Variants in KPNB1 observed in about 807,000 individuals in gnomAD.
KPNB1 encodes the protein karyopherin subunit beta 1, also known as importin subunit beta-1.
KPNB1 carries 7 observed loss-of-function variants against 113.0 expected under a neutral mutation model. That is an observed-to-expected ratio of 0.06 (90% confidence interval 0.04 to 0.12). The LOEUF is 0.12. KPNB1 is among the 10% of genes least tolerant of loss of function. KPNB1 has a pLI of 1.00. For missense variants in KPNB1, 400 were observed against 1,054.8 expected (o/e 0.38, Z 8.60); for synonymous variants, 363 against 378.6 (o/e 0.96, Z 0.48).
At position 47,656,747 on chromosome 17, in the gene KPNB1, TAAGA is replaced by T. The variant is rs1284171766; in HGVS notation, c.283-102_283-99del. 6 of 1,055,038 alleles carry T rather than the reference TAAGA, an allele frequency of 5.7e-6. No homozygotes were observed. In the East Asian group the frequency reaches 1.3e-4, roughly 22 times the overall value. The allele number at this position is 1,055,038 out of a possible 1,614,324, so 65.4% of individuals were successfully genotyped here. On this transcript the variant is annotated intron_variant, in intron 3 of 21. Coordinates refer to ENST00000290158, the MANE Select transcript of KPNB1 (RefSeq NM_002265.6). ...CGGGCAACATAGTGAGACCCTGTCT[TAAGA>T]AAGAAAGAAAAAAAAGAATTCAGAG...
chr17:47,665,443 T>C (rs963185959), intron 9 of KPNB1, among the ~76,000 whole-genome samples: 1 of 152,216 alleles, frequency 6.6e-6, no homozygotes, highest in Non-Finnish European at 1.5e-5. Flanking sequence ...AGAAAGGTGC[T>C]CTGTCAAAGC....
chr17:47,666,390 A>T (rs2030269677), intron 9 of KPNB1, among the ~76,000 whole-genome samples: 2 of 69,292 alleles, frequency 2.9e-5, no homozygotes, highest in African/African-American at 9.7e-5. Flanking sequence ...TCGTGTCTTT[A>T]CTTTTGTGTG....
chr17:47,678,903 C>A (rs1335257047), intron 19 of KPNB1, among the ~76,000 whole-genome samples: 1 of 152,064 alleles, frequency 6.6e-6, no homozygotes, highest in Non-Finnish European at 1.5e-5. Flanking sequence ...CCACTGTGCC[C>A]AGCCTTTTAA....
chr17:47,679,403 C>T (rs1003232883), intron 19 of KPNB1, among the ~76,000 whole-genome samples: 4 of 152,130 alleles, frequency 2.6e-5, no homozygotes, highest in Admixed American at 2.0e-4. Flanking sequence ...ATTCCCGTTA[C>T]GTGTTCTTGT....
rs77077537 is a variant in KPNB1, at chr17:47,672,763, A to C, written c.1548-255A>C. ...GTTCACATGATTTTTTACCATTTCA[A>C]ACCATTTTTTCCTCTATAATTTTAG... On this transcript the variant is annotated intron_variant, in intron 12 of 21. Coordinates refer to ENST00000290158, the MANE Select transcript of KPNB1 (RefSeq NM_002265.6). Among the ~76,000 whole-genome samples the C allele has an allele frequency of 3.9e-5, 6 of 152,298 alleles. No individual in the cohort carries two copies. In the East Asian group the frequency reaches 1.2e-3, roughly 29 times the overall value.
rs2030828277 is a variant in KPNB1 at position 47,682,962 on chromosome 17, G to C, written c.*558G>C. 1 of 154,114 alleles carries C rather than the reference G, an allele frequency of 6.5e-6. No individual in the cohort carries two copies. Among genetic ancestry groups the C allele is most frequent in the African/African-American group, 2.4e-5 (1 of 41,408 alleles). The allele number at this position is 154,114 out of a possible 1,614,324, so 9.5% of individuals were successfully genotyped here. On this transcript the variant is annotated 3_prime_UTR_variant, in exon 22 of 22. Transcript: ENST00000290158. Reference sequence around the variant, plus strand: ...TTACAGTCTGAGAATGAGTGTGTGTGAGTGAGGCGGTATCCACATTCTCAA... The same window carrying C: ...TTACAGTCTGAGAATGAGTGTGTGTCAGTGAGGCGGTATCCACATTCTCAA...
At chr17:47,679,867 T>G in intron 19 of KPNB1, 153 bp from the exon 20 acceptor site, 1 of 545,726 alleles carries the variant, frequency 1.8e-6, no homozygotes, top group Non-Finnish European at 3.3e-6. Context: ...CGGCTAATTT[T>G]TTTGTATTTT....
At position 47,680,194 on chromosome 17, in the gene KPNB1, T is replaced by C. The variant is rs920463318; in HGVS notation, c.2468+60T>C. The C allele has an allele frequency of 5.8e-6, 7 of 1,206,084 alleles. No individual in the cohort carries two copies. The African/African-American group carries it at 7.5e-5, about 13-fold the overall frequency. 74.7% of individuals were successfully genotyped at this position (1,206,084 alleles called of 1,614,324 possible). A position where few individuals can be genotyped will look rare whatever the true frequency, so the allele number is the denominator to read the frequency against. On this transcript the variant is annotated intron_variant, in intron 20 of 21. Transcript: ENST00000290158. ...ACTTCTCACAGAAAATGAGAAAACA[T>C]GGAGTAAGGAGTTTTGAGAGTATCG...
intron 16 of KPNB1, 61 bp downstream of exon 16, chr17:47,676,552 C>T (rs367684945): frequency 1.4e-5 from 18 of 1,278,992 alleles, no homozygotes; most frequent in African/African-American, 5.9e-5. Flanking sequence ...CTGTAGTGCA[C>T]GCAAAACCAG....
At chr17:47,654,346 C>T (rs926884733) in intron 3 of KPNB1, among the ~76,000 whole-genome samples, 14 of 145,754 alleles carry the variant, frequency 9.6e-5, no homozygotes, top group African/African-American at 3.1e-4. Flanking sequence ...ACCTGGGAGG[C>T]GGAGATTGTG....
In KPNB1 at chr17:47,658,349, A is replaced by G. The variant is rs113781728; in HGVS notation, c.484-159A>G. Among the ~76,000 whole-genome samples the G allele has an allele frequency of 1.6e-3, 245 of 152,356 alleles. 1 individual carries two copies. The highest frequency in any genetic ancestry group is 2.9e-3 in the Admixed American group (45 of 15,308). ...TGTATTAAGGGAATGATGACAAGAA[A>G]AAAAGGTGTACATGCACCTTTTGGT... On this transcript the variant is annotated intron_variant, in intron 4 of 21. Coordinates refer to ENST00000290158, the MANE Select transcript of KPNB1 (RefSeq NM_002265.6).
chr17:47,667,560 A>G (rs2030326877), intron 9 of KPNB1, among the ~76,000 whole-genome samples: 1 of 147,478 alleles, frequency 6.8e-6, no homozygotes, highest in Admixed American at 6.8e-5. Flanking sequence ...TTTTAATACT[A>G]TGTTTTTTTT....
At chr17:47,663,985 CAAAA>C (rs369076256) in intron 7 of KPNB1, among the ~76,000 whole-genome samples, 170 bp from the exon 8 acceptor site, 1 of 119,426 alleles carries the variant, frequency 8.4e-6, no homozygotes. Flanking sequence ...ACCCCATCAC[CAAAA>C]AAAAAAAAAA....
intron 4 of KPNB1, among the ~76,000 whole-genome samples, chr17:47,657,410 A>G (rs2029940405): frequency 6.6e-6 from 1 of 152,218 alleles, no homozygotes; most frequent in African/African-American, 2.4e-5. Flanking sequence ...TTCATTTACA[A>G]CATTACGGAA....
At chr17:47,656,816 A>C in intron 3 of KPNB1, 44 bp from the exon 4 acceptor site, 2 of 1,587,938 alleles carry the variant, frequency 1.3e-6, no homozygotes, top group Non-Finnish European at 1.7e-6. Context: ...ATGTGGTCAA[A>C]TAGTGTTAGA....
At position 47,676,649 on chromosome 17, in the gene KPNB1, T is replaced by C. The variant is rs1262961204; in HGVS notation, c.1995+158T>C. Among the ~76,000 whole-genome samples the C allele has an allele frequency of 2.6e-5, 4 of 152,174 alleles. No individual in the cohort carries two copies. The East Asian group carries it at 7.7e-4, about 29-fold the overall frequency. On this transcript the variant is annotated intron_variant, in intron 16 of 21. Coordinates refer to ENST00000290158, the MANE Select transcript of KPNB1 (RefSeq NM_002265.6). ...ATTGCCTGAACGTTTGAACTGGAAG[T>C]AGTCCATGAAAAACAGGATATTAGA...
chr17:47,671,118 G>A (rs143749073), intron 12 of KPNB1, among the ~76,000 whole-genome samples: 244 of 152,322 alleles, frequency 1.6e-3, no homozygotes, highest in African/African-American at 5.6e-3. Context: ...TTAGCCGGGC[G>A]TGCTGGCGCA....
chr17:47,666,583 C>T (rs1461318414), intron 9 of KPNB1, among the ~76,000 whole-genome samples: 2 of 138,156 alleles, frequency 1.4e-5, no homozygotes, highest in Non-Finnish European at 3.1e-5. Context: ...TTTATATGTA[C>T]TACATATTAT....
chr17:47,653,271 ATTTTT>A (rs3067142), intron 3 of KPNB1, among the ~76,000 whole-genome samples: 3 of 109,866 alleles, frequency 2.7e-5, no homozygotes, highest in South Asian at 2.8e-4. Flanking sequence ...AGCTCAGGGA[ATTTTT>A]TTTTTTTTTT....
Sources: gnomAD v4.1 joint callset for allele counts (sites outside exome capture counted in the v4.1 genomes callset) on GRCh38, gnomAD v4.1.1 for gene constraint, MANE v1.5 for transcripts, NCBI Gene and HGNC (gene_info 2026-07-23, HGNC 2026-07-21) for gene names.